Variants in EVC observed in about 807,000 individuals in gnomAD.
The protein encoded by EVC is evC complex member EVC.
A neutral mutation model predicts 118.9 loss-of-function variants in EVC; 116 were observed. The ratio of observed to expected loss-of-function variants is 0.98; its 90% confidence interval spans 0.84 to 1.14. The LOEUF is 1.14. Among genes scored for constraint, EVC ranks in the 50% most tolerant of loss-of-function variants. EVC has a pLI of 0.00. For synonymous variants in EVC, 619 were observed against 534.7 expected, an observed-to-expected ratio of 1.16 and a Z score of -2.18; for missense variants, 1,401 against 1,246.4, an observed-to-expected ratio of 1.12 and a Z score of -1.87.
intron 5 of EVC, among the ~76,000 whole-genome samples, chr4:5,740,173 T>G (rs953707367): frequency 2.0e-5 from 3 of 152,004 alleles, no homozygotes; most frequent in Non-Finnish European, 2.9e-5. Flanking sequence ...ACTATAAATC[T>G]TTTAGAAAAA....
chr4:5,747,137 G>A (rs4411926), intron 7 of EVC, among the ~76,000 whole-genome samples: 63,723 of 151,764 alleles, frequency 0.42, 13,811 homozygotes, highest in East Asian at 0.63. Context: ...CTGAGATGGG[G>A]AGCCGCATTG....
chr4:5,712,236 C>T (rs1285352944), intron 1 of EVC, among the ~76,000 whole-genome samples: 1 of 152,216 alleles, frequency 6.6e-6, no homozygotes. Flanking sequence ...GAACTAGACC[C>T]TCTCCCTAAA....
the EVC span, among the ~76,000 whole-genome samples, chr4:5,822,607 G>A: frequency 6.6e-6 from 1 of 152,050 alleles, no homozygotes; most frequent in Non-Finnish European, 1.5e-5. Context: ...AGCAAACCCA[G>A]TGCCTGGAGC....
chr4:5,796,024 A>G (rs1346296453), intron 13 of EVC, among the ~76,000 whole-genome samples: 1 of 152,002 alleles, frequency 6.6e-6, no homozygotes, highest in Non-Finnish European at 1.5e-5. Flanking sequence ...TCCGTGGTTC[A>G]GCATGGATAT....
At chr4:5,752,684 G>A (rs1730572832) in intron 8 of EVC, 152 bp from the exon 9 acceptor site, 1 of 796,994 alleles carries the variant, frequency 1.3e-6, no homozygotes, top group South Asian at 1.5e-5. Context: ...TCTCGCTCAT[G>A]AAGGAGAGGG....
chr4:5,787,135 G>T (rs1363149675), intron 12 of EVC, among the ~76,000 whole-genome samples: 1 of 152,176 alleles, frequency 6.6e-6, no homozygotes, highest in Non-Finnish European at 1.5e-5. Flanking sequence ...AATGGAATTT[G>T]TGAATTACCC....
At chr4:5,825,614 C>G in the EVC span, 1 of 1,606,118 alleles carries the variant, frequency 6.2e-7, no homozygotes, top group Non-Finnish European at 8.5e-7. This position sits in a 1 kb window ranked among gnomAD's most constrained non-coding sequence, Gnocchi z 4.4. Context: ...ACCTCGTACA[C>G]AGGACCGTCA....
intron 8 of EVC, 108 bp from the exon 9 acceptor site, chr4:5,752,728 C>A (rs912755178): frequency 2.7e-6 from 3 of 1,099,424 alleles, no homozygotes; most frequent in Non-Finnish European, 2.8e-6. Context: ...CTCTCCCAGG[C>A]AGTGCCATTA....
rs753561059 is a variant in EVC at position 5,719,255 on chromosome 4, A to G, written c.182A>G (p.Asp61Gly). The stretch of plus-strand genomic sequence containing the variant: ...CTGACCTTCGGGTTTTAGAAAGACG[A>G]CACTCAAAATCTGCTCAAGAATTTG... ...GRQRTRHQKDDTQNLLKNLES... is the reference protein window; with the variant it reads ...GRQRTRHQKDGTQNLLKNLES... Residue 61 changes from aspartate to glycine, a missense_variant, in exon 2 of 21, where the codon GAC becomes GGC. By Grantham distance (94) the Asp-to-Gly change is moderately conservative. Transcript: ENST00000264956. The surrounding 1 kb of genome is among the most constrained non-coding windows in gnomAD (Gnocchi z 4.7). 5 of 1,614,182 alleles carry G rather than the reference A, an allele frequency of 3.1e-6. No individual in the cohort carries two copies. Among genetic ancestry groups the G allele is most frequent in the Non-Finnish European group, 3.4e-6 (4 of 1,180,034 alleles).
chr4:5,712,498 G>A (rs994178881), intron 1 of EVC, among the ~76,000 whole-genome samples: 11 of 152,150 alleles, frequency 7.2e-5, no homozygotes, highest in African/African-American at 1.7e-4. Context: ...TAGTGGTATG[G>A]CCACTATTTT....
downstream of EVC, among the ~76,000 whole-genome samples, chr4:5,815,562 C>T (rs1717540313): frequency 6.6e-6 from 1 of 152,074 alleles, no homozygotes; most frequent in African/African-American, 2.4e-5. Flanking sequence ...TGATCCTTCC[C>T]AGACTGGCCA....
chr4:5,726,097 G>T (rs1725762522), intron 2 of EVC, among the ~76,000 whole-genome samples: 2 of 152,196 alleles, frequency 1.3e-5, no homozygotes, highest in Non-Finnish European at 2.9e-5. Context: ...CCTCAAATTA[G>T]GAGCAAGTGA....
rs919725380 is a variant in EVC at position 5,759,994 on chromosome 4, G to C, written c.1563+3632G>C. On this transcript the variant is annotated intron_variant, in intron 11 of 20. Transcript: ENST00000264956. ...AAGCAAAGACAGGAAGACTCCAAGC[G>C]GGAAGTGGGCTTCCAAATCACAGGT... Among the ~76,000 whole-genome samples, 6 of 152,074 alleles carry C rather than the reference G, an allele frequency of 3.9e-5. No individual in the cohort carries two copies. In the South Asian group the frequency reaches 1.2e-3, roughly 31 times the overall value.
intron 11 of EVC, among the ~76,000 whole-genome samples, chr4:5,771,470 C>A (rs1429862168): frequency 6.6e-6 from 1 of 152,170 alleles, no homozygotes; most frequent in African/African-American, 2.4e-5. Flanking sequence ...GGATCCTTAA[C>A]TCAGTCCCAC....
intron 15 of EVC, chr4:5,801,641 C>T (rs1181295002): frequency 3.0e-6 from 1 of 331,686 alleles, no homozygotes; most frequent in African/African-American, 2.2e-5. Flanking sequence ...GATTGTGCTC[C>T]AGCCTAGGCA....
Position 5,789,886 on chromosome 4 carries a change from A to C in EVC, c.1777-3722A>C, listed in dbSNP as rs1560412481. Among the ~76,000 whole-genome samples the C allele has an allele frequency of 6.6e-6, 1 of 152,146 alleles. No homozygotes were observed. Among genetic ancestry groups the C allele is most frequent in the Non-Finnish European group, 1.5e-5 (1 of 68,030 alleles). ...AGTGGCAATGCAGACTCACCTTTCA[A>C]AGAATCAAGACTGGCCAAGCATGGT... On this transcript the variant is annotated intron_variant, in intron 12 of 20. Transcript: ENST00000264956. The surrounding 1 kb of genome is among the most constrained non-coding windows in gnomAD (Gnocchi z 4.3).
intron 15 of EVC, 173 bp from the exon 16 acceptor site, chr4:5,801,776 TC>T (rs2152360537): frequency 1.5e-6 from 1 of 665,206 alleles, no homozygotes; most frequent in East Asian, 2.8e-5. Flanking sequence ...AAGATAGGAT[TC>T]CCATGACTAG....
intron 1 of EVC, among the ~76,000 whole-genome samples, chr4:5,714,955 C>T (rs1161424342): frequency 6.9e-6 from 1 of 145,784 alleles, no homozygotes; most frequent in African/African-American, 2.6e-5. Context: ...CAGGCTTGCA[C>T]CACCATGCCT....
rs1359853096 is a variant in EVC, at chr4:5,719,051, C to G, written c.175-197C>G. 1.3e-5 allele frequency among the ~76,000 whole-genome samples: 2 copies of G among 152,128 alleles called. No individual in the cohort carries two copies. The highest frequency in any genetic ancestry group is 2.9e-5 in the Non-Finnish European group (2 of 68,032). On this transcript the variant is annotated intron_variant, in intron 1 of 20. Coordinates refer to ENST00000264956, the MANE Select transcript of EVC (RefSeq NM_153717.3). The surrounding 1 kb of genome is among the most constrained non-coding windows in gnomAD (Gnocchi z 4.7). ...CGCTCAGGAAGGTGACCTGTGCAGTCTTGAAGGACATGTAGCGGACCCCAC... is the reference window on the plus strand; with the variant it reads ...CGCTCAGGAAGGTGACCTGTGCAGTGTTGAAGGACATGTAGCGGACCCCAC...
Sources: allele counts gnomAD v4.1 joint callset (sites outside exome capture counted in the v4.1 genomes callset), GRCh38; gene constraint gnomAD v4.1.1; non-coding constraint Gnocchi (gnomAD v3.1); transcripts MANE v1.5; gene names NCBI Gene and HGNC (gene_info 2026-07-23, HGNC 2026-07-21).